The following PARP8 variants were observed in gnomAD, a reference collection of about 807,000 sequenced individuals.
The protein encoded by PARP8 is protein mono-ADP-ribosyltransferase PARP8.
A neutral mutation model predicts 124.1 loss-of-function variants in PARP8; 51 were observed. The ratio of observed to expected loss-of-function variants is 0.41; its 90% confidence interval spans 0.33 to 0.52. PARP8 has a LOEUF of 0.52. Among genes scored for constraint, PARP8 ranks in the 20% least tolerant of loss-of-function variants. PARP8 has a pLI of 0.21. For synonymous variants in PARP8, 391 were observed against 361.5 expected (o/e 1.08, Z -0.93); for missense variants, 860 against 1,018.9 (o/e 0.84, Z 2.12).
At chr5:50,679,148 A>G (rs189547680) in intron 2 of PARP8, among the ~76,000 whole-genome samples, 25 of 152,292 alleles carry the variant, frequency 1.6e-4, no homozygotes, top group African/African-American at 5.0e-4. Context: ...TCTACCCTAC[A>G]TATACACAAA....
chr5:50,822,738 A>G (rs1222044638), intron 17 of PARP8, among the ~76,000 whole-genome samples: 1 of 152,204 alleles, frequency 6.6e-6, no homozygotes, highest in Non-Finnish European at 1.5e-5. Flanking sequence ...CAATTTCAAA[A>G]CATTATTTGA....
intron 8 of PARP8, 57 bp from the exon 9 acceptor site, chr5:50,778,503 T>C (rs2149610391): frequency 7.0e-7 from 1 of 1,430,828 alleles, no homozygotes; most frequent in Non-Finnish European, 9.6e-7. Flanking sequence ...GTGTGTTTTT[T>C]TTTTCATTTT....
Position 50,796,988 on chromosome 5 carries a change from G to A in PARP8, c.1435G>A (p.Gly479Ser). ...TTTACTTTGCTTTTTATAGCCAAAT[G>A]GTGCAAAATGCATTCCAGTACGAGA... ...SSSSSQLAPN[G>S]AKCIPVRDRG... The change falls in exon 13 of 26, where the codon GGT becomes AGT. Residue 479 changes from glycine (G) to serine (S), a missense_variant. Around this residue, in one of 2 missense-constraint regions of PARP8, gnomAD observed 343 missense variants for 474.7 expected, o/e 0.72. Coordinates refer to ENST00000281631, the MANE Select transcript of PARP8 (RefSeq NM_024615.4). 1 of 1,606,644 alleles carries A rather than the reference G, an allele frequency of 6.2e-7. No homozygotes were observed. Among genetic ancestry groups the A allele is most frequent in the Non-Finnish European group, 8.5e-7 (1 of 1,177,046 alleles).
At chr5:50,749,460 A>G (rs1758982855) in intron 2 of PARP8, among the ~76,000 whole-genome samples, 1 of 152,158 alleles carries the variant, frequency 6.6e-6, no homozygotes, top group Admixed American at 6.5e-5. Flanking sequence ...TAAAAAATGA[A>G]CAGATAAATA....
At chr5:50,819,580 G>A (rs777139282) in intron 15 of PARP8, among the ~76,000 whole-genome samples, 5 of 151,596 alleles carry the variant, frequency 3.3e-5, no homozygotes, top group Non-Finnish European at 7.4e-5. Flanking sequence ...AGCTGGCGCT[G>A]CAGGCACCTG....
At chr5:50,757,207 C>T in intron 3 of PARP8, 1 of 455,238 alleles carries the variant, frequency 2.2e-6, no homozygotes, top group South Asian at 1.6e-5. Flanking sequence ...AAAAGGATTG[C>T]TGAAATGGGT....
At chr5:50,669,761 T>C (rs1027435019) in intron 2 of PARP8, among the ~76,000 whole-genome samples, 1 of 152,230 alleles carries the variant, frequency 6.6e-6, no homozygotes, top group Non-Finnish European at 1.5e-5. Context: ...CCATGGTTGC[T>C]CTTAAAGTAA....
intron 2 of PARP8, among the ~76,000 whole-genome samples, chr5:50,711,498 T>C (rs541338878): frequency 6.6e-6 from 1 of 152,182 alleles, no homozygotes; most frequent in East Asian, 1.9e-4. Context: ...TTCATTTTCA[T>C]TTCTGGATGT....
At chr5:50,788,820 C>T (rs1413655939) in intron 10 of PARP8, among the ~76,000 whole-genome samples, 5 of 152,170 alleles carry the variant, frequency 3.3e-5, no homozygotes, top group Non-Finnish European at 7.3e-5. Context: ...CACTCTCTTT[C>T]CTCCAGCACC....
chr5:50,751,568 A>G (rs1759267868), intron 3 of PARP8, among the ~76,000 whole-genome samples: 1 of 152,120 alleles, frequency 6.6e-6, no homozygotes, highest in African/African-American at 2.4e-5. Flanking sequence ...CAGTATATCA[A>G]AATACACTGT....
In PARP8 at chr5:50,843,784, G is replaced by A. The variant is rs1016760633; in HGVS notation, c.*1716G>A. 6.6e-6 allele frequency: 1 copy of A among 151,772 alleles called. No individual in the cohort carries two copies. Among genetic ancestry groups the A allele is most frequent in the Non-Finnish European group, 1.5e-5 (1 of 67,802 alleles). The allele number at this position is 151,772 out of a possible 1,614,324, so 9.4% of individuals were successfully genotyped here. A position where few individuals can be genotyped will look rare whatever the true frequency, so the allele number is the denominator to read the frequency against. On this transcript the variant is annotated 3_prime_UTR_variant, in exon 26 of 26. Coordinates refer to ENST00000281631, the MANE Select transcript of PARP8 (RefSeq NM_024615.4). ...CTACTTTTTTGCCAAGATGCTGCAA[G>A]TCTCCCAAATCACTTCAACTGTGTT...
chr5:50,783,312 C>T (rs1158446220), intron 9 of PARP8, among the ~76,000 whole-genome samples: 4 of 151,988 alleles, frequency 2.6e-5, no homozygotes, highest in East Asian at 1.9e-4. Context: ...CAAACCTAAC[C>T]GGAAGGTAGT....
At chr5:50,706,040 T>C (rs1249626665) in intron 2 of PARP8, among the ~76,000 whole-genome samples, 2 of 152,212 alleles carry the variant, frequency 1.3e-5, no homozygotes, top group African/African-American at 2.4e-5. Context: ...GATTAAGATA[T>C]GCTCCTGCTT....
At chr5:50,828,137 C>T in intron 20 of PARP8, 81 bp downstream of exon 20, 1 of 1,193,702 alleles carries the variant, frequency 8.4e-7, no homozygotes. Flanking sequence ...CACTGTCTTT[C>T]AGTAAATGAT....
intron 14 of PARP8, among the ~76,000 whole-genome samples, chr5:50,809,064 T>A (rs987272876): frequency 6.6e-6 from 1 of 152,036 alleles, no homozygotes; most frequent in Non-Finnish European, 1.5e-5. Context: ...GTTTTAATAC[T>A]CAAATAACAT....
intron 2 of PARP8, among the ~76,000 whole-genome samples, chr5:50,733,404 A>G (rs1257484640): frequency 3.3e-5 from 5 of 152,218 alleles, no homozygotes; most frequent in Non-Finnish European, 5.9e-5. Flanking sequence ...AACTGTTAGT[A>G]CCAATAGTTT....
chr5:50,808,635 G>A (rs561951203), intron 14 of PARP8, among the ~76,000 whole-genome samples: 136 of 152,090 alleles, frequency 8.9e-4, no homozygotes, highest in African/African-American at 3.2e-3. Context: ...GCTATGACAC[G>A]GAGCTGTGAA....
chr5:50,700,712 T>C (rs1212358671), intron 2 of PARP8, among the ~76,000 whole-genome samples: 4 of 152,224 alleles, frequency 2.6e-5, no homozygotes, highest in Non-Finnish European at 5.9e-5. Context: ...TTATATTTAA[T>C]AACTGAATAT....
rs1167711334 is a variant in PARP8, at chr5:50,842,743, G to C, written c.*675G>C. The C allele has an allele frequency of 6.6e-6, 1 of 151,672 alleles. No individual in the cohort carries two copies. The allele number at this position is 151,672 out of a possible 1,614,324, so 9.4% of individuals were successfully genotyped here. A position where few individuals can be genotyped will look rare whatever the true frequency, so the allele number is the denominator to read the frequency against. The stretch of plus-strand genomic sequence containing the variant: ...CAATTCTATCCTCGTTTAATGGAAA[G>C]AAGATAATATTTAGTAAGCAATAAA... On this transcript the variant is annotated 3_prime_UTR_variant, in exon 26 of 26. Transcript: ENST00000281631.
Sources: gnomAD v4.1 joint callset for allele counts (sites outside exome capture counted in the v4.1 genomes callset) on GRCh38, gnomAD v4.1.1 for gene constraint, gnomAD v4.1.1 regional missense constraint, MANE v1.5 for transcripts, NCBI Gene and HGNC (gene_info 2026-07-23, HGNC 2026-07-21) for gene names.